The following NCBP3 variants were observed in gnomAD, a reference collection of about 807,000 sequenced individuals.
The protein encoded by NCBP3 is nuclear cap binding subunit 3, also known as nuclear cap-binding protein subunit 3.
A neutral mutation model predicts 75.7 loss-of-function variants in NCBP3; 20 were observed. The ratio of observed to expected loss-of-function variants is 0.26; its 90% confidence interval spans 0.19 to 0.38. NCBP3 has a LOEUF of 0.38. NCBP3 is among the 10% of genes least tolerant of loss of function. NCBP3 has a pLI of 1.00. For synonymous variants in NCBP3, 293 were observed against 290.5 expected (o/e 1.01, Z -0.09); for missense variants, 678 against 796.9 (o/e 0.85, Z 1.80).
intron 3 of NCBP3, among the ~76,000 whole-genome samples, chr17:3,837,270 G>A (rs1284324113): frequency 4.6e-5 from 7 of 151,970 alleles, no homozygotes; most frequent in African/African-American, 1.2e-4. Flanking sequence ...AGGCCGAGGC[G>A]GGTGGATCAC....
At chr17:3,814,050 C>CAAAG (rs2053478065) in intron 12 of NCBP3, among the ~76,000 whole-genome samples, 1 of 152,116 alleles carries the variant, frequency 6.6e-6, no homozygotes, top group Admixed American at 6.6e-5. Flanking sequence ...TGTATGTGGG[C>CAAAG]AAAGACCAGA....
chr17:3,841,602 C>CTTTTTTTTTTTT (rs373561293), intron 2 of NCBP3, among the ~76,000 whole-genome samples: 2 of 118,050 alleles, frequency 1.7e-5, no homozygotes, highest in African/African-American at 3.2e-5. Context: ...AATTCTCTCT[C>CTTTTTTTTTTTT]TTTTTTTTTT....
chr17:3,818,157 T>G lies in NCBP3; in HGVS notation c.1310+106A>C, dbSNP rs2053583460. The G allele has an allele frequency of 3.2e-6, 3 of 948,980 alleles. No individual in the cohort carries two copies. Among genetic ancestry groups the G allele is most frequent in the Admixed American group, 3.1e-5 (1 of 31,762 alleles). 58.8% of individuals were successfully genotyped at this position (948,980 alleles called of 1,614,324 possible). On this transcript the variant is annotated intron_variant, in intron 10 of 12. Coordinates refer to ENST00000389005, the MANE Select transcript of NCBP3 (RefSeq NM_001114118.3). This position sits in a 1 kb window ranked among gnomAD's most constrained non-coding sequence, Gnocchi z 4.7. ...CGTTTATTAAACTCCTACAAGGGACTGAAATCAGAATAGATAAAAGATATT... is the reference window on the plus strand; with the variant it reads ...CGTTTATTAAACTCCTACAAGGGACGGAAATCAGAATAGATAAAAGATATT...
At chr17:3,830,023 C>G (rs1021457375) in intron 3 of NCBP3, among the ~76,000 whole-genome samples, 5 of 152,178 alleles carry the variant, frequency 3.3e-5, no homozygotes, top group Admixed American at 6.5e-5. Context: ...TTTCCTGCGT[C>G]TCTGGTCCTT....
chr17:3,816,829 C>T (rs1385502296), intron 10 of NCBP3, among the ~76,000 whole-genome samples: 4 of 151,794 alleles, frequency 2.6e-5, no homozygotes, highest in African/African-American at 4.8e-5. Context: ...GTCAGGAGAT[C>T]GAGACCATCC....
At chr17:3,815,600 A>G (rs1293500915) in intron 11 of NCBP3, among the ~76,000 whole-genome samples, 1 of 152,256 alleles carries the variant, frequency 6.6e-6, no homozygotes, top group Non-Finnish European at 1.5e-5. Flanking sequence ...TCATCCATGG[A>G]TTCCACATCT....
chr17:3,842,697 G>C (rs1274900799), intron 2 of NCBP3, among the ~76,000 whole-genome samples: 2 of 152,268 alleles, frequency 1.3e-5, no homozygotes, highest in Non-Finnish European at 2.9e-5. Flanking sequence ...CCCCACTGGA[G>C]TGCAGTGGCA....
chr17:3,813,131 G>A lies in NCBP3; in HGVS notation c.1776C>T (p.Arg592=). Residue 592 remains arginine, a synonymous_variant, in exon 13 of 13, where the codon CGC becomes CGT. Transcript: ENST00000389005. Reference sequence around the variant, plus strand: ...AGTTATCTAACCGGCTCTTCTTTTGGCGAGACTGCTCTTTCTCCTTAATCA... The same window carrying A: ...AGTTATCTAACCGGCTCTTCTTTTGACGAGACTGCTCTTTCTCCTTAATCA... ...GALIKEKEQS[R]QKKSRLDNLP... 6.2e-7 allele frequency: 1 copy of A among 1,614,242 alleles called. No individual in the cohort carries two copies. The highest frequency in any genetic ancestry group is 8.5e-7 in the Non-Finnish European group (1 of 1,180,050).
In NCBP3 at chr17:3,828,268, T is replaced by C. The variant is rs546875779; in HGVS notation, c.481+975A>G. Among the ~76,000 whole-genome samples the C allele has an allele frequency of 2.4e-3, 359 of 152,346 alleles. 2 individuals are homozygous for C. Among genetic ancestry groups the C allele is most frequent in the Non-Finnish European group, 3.1e-3 (211 of 68,032 alleles). On this transcript the variant is annotated intron_variant, in intron 4 of 12. Coordinates refer to ENST00000389005, the MANE Select transcript of NCBP3 (RefSeq NM_001114118.3). The stretch of plus-strand genomic sequence containing the variant: ...TTCTACTGGAAAACAGCCAGACTCA[T>C]AGCTTCTGTATTATTTATAGTTGCT...
chr17:3,842,123 A>C (rs1313142010), intron 2 of NCBP3, among the ~76,000 whole-genome samples: 1 of 152,100 alleles, frequency 6.6e-6, no homozygotes, highest in Non-Finnish European at 1.5e-5. Flanking sequence ...ACAAGGCAAT[A>C]GTCTTATTAA....
chr17:3,818,138 T>C lies in NCBP3; in HGVS notation c.1310+125A>G. ...ATAGAGGAAATACTGGATGCGTTTA[T>C]TAAACTCCTACAAGGGACTGAAATC... On this transcript the variant is annotated intron_variant, in intron 10 of 12. Coordinates refer to ENST00000389005, the MANE Select transcript of NCBP3 (RefSeq NM_001114118.3). This position sits in a 1 kb window ranked among gnomAD's most constrained non-coding sequence, Gnocchi z 4.7. 1 of 813,206 alleles carries C rather than the reference T, an allele frequency of 1.2e-6. No homozygotes were observed. The highest frequency in any genetic ancestry group is 1.8e-6 in the Non-Finnish European group (1 of 549,880). 50.4% of individuals were successfully genotyped at this position (813,206 alleles called of 1,614,324 possible). A position where few individuals can be genotyped will look rare whatever the true frequency, so the allele number is the denominator to read the frequency against.
chr17:3,825,804 T>C lies in NCBP3; in HGVS notation c.650A>G (p.Glu217Gly). Residue 217 changes from glutamate (E) to glycine (G), a missense_variant, in exon 6 of 13, where the codon GAA becomes GGA. This residue lies in a region of NCBP3 where 98 missense variants were observed against 101.8 expected (regional missense o/e 0.96). Coordinates refer to ENST00000389005, the MANE Select transcript of NCBP3 (RefSeq NM_001114118.3). The part of the protein sequence containing the change: ...EDSSDDDEAE[E>G]GEVEDENSSD... The stretch of plus-strand genomic sequence containing the variant: ...TGAGTTCTCATCTTCAACCTCTCCT[T>C]CTTCAGCTTCATCATCATCTGAACT... 2 of 1,551,584 alleles carry C rather than the reference T, an allele frequency of 1.3e-6. No individual in the cohort carries two copies. Among genetic ancestry groups the C allele is most frequent in the Non-Finnish European group, 1.7e-6 (2 of 1,146,980 alleles).
rs2053338128 is a variant in NCBP3 at position 3,806,519 on chromosome 17, C to CT, written c.*6524dup. On this transcript the variant is annotated 3_prime_UTR_variant, in exon 13 of 13. Coordinates refer to ENST00000389005, the MANE Select transcript of NCBP3 (RefSeq NM_001114118.3). The stretch of plus-strand genomic sequence containing the variant: ...TCATCCAGAGAGGGCCCCGGAATTG[C>CT]TCAAATGAACAGTAAGAATCCTGAG... 6.6e-6 allele frequency: 1 copy of CT among 152,128 alleles called. No homozygotes were observed. Among genetic ancestry groups the CT allele is most frequent in the Non-Finnish European group, 1.5e-5 (1 of 68,040 alleles). 9.4% of individuals were successfully genotyped at this position (152,128 alleles called of 1,614,324 possible).
chr17:3,826,725 A>AAGGAAG (rs1216313897), intron 4 of NCBP3, among the ~76,000 whole-genome samples: 2 of 150,948 alleles, frequency 1.3e-5, no homozygotes, highest in African/African-American at 2.5e-5. Context: ...GGAAGGAAGG[A>AAGGAAG]GAGAGAGAGA....
intron 11 of NCBP3, 68 bp downstream of exon 11, chr17:3,816,048 C>T: frequency 6.7e-7 from 1 of 1,489,274 alleles, no homozygotes; most frequent in Non-Finnish European, 9.1e-7. Flanking sequence ...TACTCAGGAA[C>T]CTCTCTCTGC....
rs1007367143 is a variant in NCBP3, at chr17:3,803,719, T to A, written c.*9325A>T. 3.3e-5 allele frequency: 5 copies of A among 152,348 alleles called. No individual in the cohort carries two copies. Among genetic ancestry groups the A allele is most frequent in the African/African-American group, 1.2e-4 (5 of 41,582 alleles). 9.4% of individuals were successfully genotyped at this position (152,348 alleles called of 1,614,324 possible). A position where few individuals can be genotyped will look rare whatever the true frequency, so the allele number is the denominator to read the frequency against. On this transcript the variant is annotated 3_prime_UTR_variant, in exon 13 of 13. Coordinates refer to ENST00000389005, the MANE Select transcript of NCBP3 (RefSeq NM_001114118.3). ...TTGAAATTATTTCAAAATAAAGTTT[T>A]AAATATTTTAAAAAATTTTTTTCTT...
In NCBP3 at chr17:3,802,303, A is replaced by G. The variant is rs2053275945; in HGVS notation, c.*10741T>C. On this transcript the variant is annotated 3_prime_UTR_variant, in exon 13 of 13. Coordinates refer to ENST00000389005, the MANE Select transcript of NCBP3 (RefSeq NM_001114118.3). ...CAGGGTGGACAATGGTGTTGACTTC[A>G]TTACTAGATAAAAATCCATGTTATT... is the stretch of plus-strand genomic sequence containing the variant. 6.6e-6 allele frequency: 1 copy of G among 152,120 alleles called. No homozygotes were observed. Among genetic ancestry groups the G allele is most frequent in the Non-Finnish European group, 1.5e-5 (1 of 68,032 alleles). The allele number at this position is 152,120 out of a possible 1,614,324, so 9.4% of individuals were successfully genotyped here. A position where few individuals can be genotyped will look rare whatever the true frequency, so the allele number is the denominator to read the frequency against.
At position 3,814,311 on chromosome 17, in the gene NCBP3, G is replaced by A; in HGVS notation, c.1627+11C>T. 1.2e-6 allele frequency: 2 copies of A among 1,613,694 alleles called. No homozygotes were observed. Among genetic ancestry groups the A allele is most frequent in the Non-Finnish European group, 8.5e-7 (1 of 1,179,824 alleles). On this transcript the variant is annotated intron_variant, in intron 12 of 12. Transcript: ENST00000389005. ...GAATCCCCATTCCCATCCGTTTTAA[G>A]TGTTACCAACCTGATTTCTTCTCCC...
chr17:3,830,742 C>T (rs1318475595), intron 3 of NCBP3, among the ~76,000 whole-genome samples: 1 of 152,066 alleles, frequency 6.6e-6, no homozygotes, highest in Non-Finnish European at 1.5e-5. Flanking sequence ...AGCGTACCAC[C>T]ACACCCGGCT....
Sources: allele counts gnomAD v4.1 joint callset (sites outside exome capture counted in the v4.1 genomes callset), GRCh38; gene constraint gnomAD v4.1.1; regional missense constraint gnomAD v4.1.1; non-coding constraint Gnocchi (gnomAD v3.1); transcripts MANE v1.5; gene names NCBI Gene and HGNC (gene_info 2026-07-23, HGNC 2026-07-21).